The following KIF6 variants were observed in gnomAD, a reference collection of about 807,000 sequenced individuals.
KIF6 encodes kinesin-like protein KIF6.
KIF6 carries 106 observed loss-of-function variants against 112.7 expected under a neutral mutation model. The observed-to-expected ratio is 0.94, with a 90% confidence interval of 0.80 to 1.11. The LOEUF is 1.11. Ranked by LOEUF, KIF6 falls within the 50% of genes least tolerant of loss-of-function variation. The pLI is 0.00. For synonymous variants in KIF6, 339 were observed against 339.9 expected, an observed-to-expected ratio of 1.00 and a Z score of 0.03; for missense variants, 929 against 964.0, an observed-to-expected ratio of 0.96 and a Z score of 0.48.
chr6:39,468,952 G>A (rs1033305554), intron 13 of KIF6, among the ~76,000 whole-genome samples: 1 of 151,972 alleles, frequency 6.6e-6, no homozygotes, highest in South Asian at 2.1e-4. Flanking sequence ...AGGAGGGGGT[G>A]GAAGCAAAGC....
At chr6:39,501,242 C>T (rs1468033912) in intron 13 of KIF6, among the ~76,000 whole-genome samples, 1 of 152,018 alleles carries the variant, frequency 6.6e-6, no homozygotes, top group African/African-American at 2.4e-5. Context: ...CACAGCAGAC[C>T]TATGAAGAAT....
intron 13 of KIF6, among the ~76,000 whole-genome samples, chr6:39,434,635 T>C (rs1314377153): frequency 3.9e-5 from 6 of 151,918 alleles, no homozygotes; most frequent in Non-Finnish European, 8.8e-5. Flanking sequence ...AACAAATATT[T>C]ACAATGGAGG....
chr6:39,341,526 G>A lies in KIF6; in HGVS notation c.2428+2183C>T, dbSNP rs534936015. On this transcript the variant is annotated intron_variant, in intron 22 of 22. Coordinates refer to ENST00000287152, the MANE Select transcript of KIF6 (RefSeq NM_145027.6). ...TTCAGAGGACATTGTACTCAGTCCT[G>A]TGGCTTCAGACACCAACCAGACATG... Among the ~76,000 whole-genome samples the A allele has an allele frequency of 1.3e-4, 20 of 152,286 alleles. No individual in the cohort carries two copies. The South Asian group carries it at 4.1e-3, about 32-fold the overall frequency.
chr6:39,709,959 A>G (rs578191691), intron 3 of KIF6, among the ~76,000 whole-genome samples: 1 of 152,350 alleles, frequency 6.6e-6, no homozygotes, highest in South Asian at 2.1e-4. Context: ...ACTTTATTTT[A>G]TCAGTATTTT....
At position 39,651,722 on chromosome 6, in the gene KIF6, CAATGGATAAT is replaced by C. The variant is rs542010563; in HGVS notation, c.252-11975_252-11966del. The stretch of plus-strand genomic sequence containing the variant: ...GGAAAATTCAAACACACTTTGATTT[CAATGGATAAT>C]AATCAAGGAGGAAAATTGCCCTTTG... On this transcript the variant is annotated intron_variant, in intron 3 of 22. Coordinates refer to ENST00000287152, the MANE Select transcript of KIF6 (RefSeq NM_145027.6). Among the ~76,000 whole-genome samples the C allele has an allele frequency of 1.5e-3, 227 of 152,204 alleles. 1 individual carries two copies. The highest frequency in any genetic ancestry group is 5.3e-3 in the African/African-American group (222 of 41,538).
At chr6:39,623,364 T>C (rs561840172) in intron 5 of KIF6, among the ~76,000 whole-genome samples, 10 of 152,328 alleles carry the variant, frequency 6.6e-5, no homozygotes, top group Admixed American at 6.5e-4. Context: ...TTGAACCTAC[T>C]CATTAATATG....
intron 13 of KIF6, among the ~76,000 whole-genome samples, chr6:39,477,824 G>A (rs1437936981): frequency 6.6e-6 from 1 of 152,088 alleles, no homozygotes; most frequent in African/African-American, 2.4e-5. Context: ...TCATGCCATT[G>A]CACTCCAGCC....
At chr6:39,346,176 G>A (rs1012923764) in intron 20 of KIF6, among the ~76,000 whole-genome samples, 5 of 125,296 alleles carry the variant, frequency 4.0e-5, no homozygotes, top group African/African-American at 1.5e-4. Context: ...TCTCCTATGT[G>A]AGCACACAAT....
At chr6:39,508,165 G>A (rs188810732) in intron 13 of KIF6, among the ~76,000 whole-genome samples, 47 of 151,972 alleles carry the variant, frequency 3.1e-4, no homozygotes, top group African/African-American at 9.2e-4. Flanking sequence ...TGTTAGCAAT[G>A]CATGGTCCCA....
intron 13 of KIF6, among the ~76,000 whole-genome samples, chr6:39,485,796 G>T (rs1220369033): frequency 1.3e-5 from 2 of 152,198 alleles, no homozygotes; most frequent in African/African-American, 4.8e-5. Flanking sequence ...CAGGAAGGAA[G>T]GGTAAAAGAA....
chr6:39,504,669 A>G (rs979651195), intron 13 of KIF6, among the ~76,000 whole-genome samples: 1 of 152,236 alleles, frequency 6.6e-6, no homozygotes, highest in Non-Finnish European at 1.5e-5. Context: ...TAGAAAATCA[A>G]TGTCCAAAAA....
In KIF6 at chr6:39,596,171, A is replaced by G; in HGVS notation, c.729T>C (p.His243=). 6.2e-6 allele frequency: 10 copies of G among 1,614,092 alleles called. No homozygotes were observed. Among genetic ancestry groups the G allele is most frequent in the Non-Finnish European group, 8.5e-6 (10 of 1,179,978 alleles). ...SKEPGSATVR[H]AKLHLVDLAG... ...CCAGGTCAACCAGATGGAGTTTGGC[A>G]TGTCGTACAGTTGCAGATCCTGGTT... Residue 243 remains histidine (H), a synonymous_variant, in exon 7 of 23, where the codon CAT becomes CAC. Coordinates refer to ENST00000287152, the MANE Select transcript of KIF6 (RefSeq NM_145027.6).
intron 19 of KIF6, chr6:39,353,904 C>A: frequency 1.7e-6 from 1 of 573,290 alleles, no homozygotes; most frequent in South Asian, 1.6e-5. Flanking sequence ...CTAAGTGGAG[C>A]TAAGTGTGAT....
At chr6:39,665,279 T>G (rs1176734160) in intron 3 of KIF6, among the ~76,000 whole-genome samples, 2 of 152,170 alleles carry the variant, frequency 1.3e-5, no homozygotes, top group African/African-American at 4.8e-5. Flanking sequence ...AAAATGGACA[T>G]CTCTTCATTT....
At chr6:39,336,623 G>T in intron 22 of KIF6, 75 bp from the exon 23 acceptor site, 3 of 1,396,090 alleles carry the variant, frequency 2.1e-6, no homozygotes, top group Non-Finnish European at 3.1e-6. Flanking sequence ...GAATCGGGGG[G>T]AGGGGAGGCC....
chr6:39,613,369 C>A (rs371472130), intron 5 of KIF6, 51 bp from the exon 6 acceptor site: 66 of 1,472,816 alleles, frequency 4.5e-5, no homozygotes, highest in Non-Finnish European at 5.2e-5. Flanking sequence ...ATGAAAAGAA[C>A]TTGAAGTCTT....
At chr6:39,431,283 T>C in intron 13 of KIF6, 122 bp from the exon 14 acceptor site, 2 of 622,786 alleles carry the variant, frequency 3.2e-6, no homozygotes, top group Non-Finnish European at 5.7e-6. Flanking sequence ...AGAGAGACTC[T>C]GACCAGACAG....
intron 16 of KIF6, among the ~76,000 whole-genome samples, chr6:39,376,625 T>C (rs1766461829): frequency 1.3e-5 from 2 of 152,110 alleles, no homozygotes; most frequent in Non-Finnish European, 2.9e-5. Context: ...CTGTGCTTGG[T>C]GTTGGGGAAA....
chr6:39,458,062 C>G (rs1014342800), intron 13 of KIF6, among the ~76,000 whole-genome samples: 5 of 151,760 alleles, frequency 3.3e-5, no homozygotes, highest in Non-Finnish European at 7.4e-5. Context: ...GGCAGAGACA[C>G]AACCAAAAAA....
Sources: allele counts gnomAD v4.1 joint callset (sites outside exome capture counted in the v4.1 genomes callset), GRCh38; gene constraint gnomAD v4.1.1; transcripts MANE v1.5; gene names NCBI Gene and HGNC (gene_info 2026-07-23, HGNC 2026-07-21).